Variants in RBM6 observed in about 807,000 individuals in gnomAD.
RBM6 encodes the protein RNA-binding protein 6.
Under a neutral mutation model 140.4 loss-of-function variants are expected in RBM6, and 23 were observed. That is an observed-to-expected ratio of 0.16 (90% CI 0.12 to 0.23). RBM6 has a LOEUF of 0.23. Among genes scored for constraint, RBM6 ranks in the 10% least tolerant of loss-of-function variants. The pLI is 1.00. For missense variants in RBM6, 1,139 were observed against 1,386.7 expected (o/e 0.82, Z 2.84); for synonymous variants, 439 against 475.6 (o/e 0.92, Z 1.00).
chr3:50,075,991 CAG>C (rs1309026173), intron 20 of RBM6, among the ~76,000 whole-genome samples: 1 of 149,314 alleles, frequency 6.7e-6, no homozygotes, highest in Non-Finnish European at 1.5e-5. Context: ...TTTTTTGAGA[CAG>C]AGTCTTGCTC....
chr3:49,980,398 T>C (rs559146573), intron 5 of RBM6, among the ~76,000 whole-genome samples: 81 of 152,264 alleles, frequency 5.3e-4, no homozygotes, highest in African/African-American at 1.9e-3. Flanking sequence ...TCGAAAATAA[T>C]ACTTGCTATA....
At position 50,061,981 on chromosome 3, in the gene RBM6, A is replaced by G. The variant is rs567547469; in HGVS notation, c.2459A>G (p.Gln820Arg). ...PNTQQEVYVP[Q>R]DPGLPEEEEI... ...TCGCAGCAAGAAGTCTATGTGCCCC[A>G]GGATCCTGGATTACCTGAGGAAGAA... Residue 820 changes from glutamine (Q) to arginine (R), a missense_variant, in exon 15 of 21, where the codon CAG becomes CGG. Physicochemically the swap from Gln to Arg is conservative, Grantham distance 43 (BLOSUM62 1). Coordinates refer to ENST00000266022, the MANE Select transcript of RBM6 (RefSeq NM_005777.3). 242 of 1,613,882 alleles carry G rather than the reference A, an allele frequency of 1.5e-4. No homozygotes were observed. Among genetic ancestry groups the G allele is most frequent in the Non-Finnish European group, 1.9e-4 (222 of 1,179,918 alleles).
intron 7 of RBM6, among the ~76,000 whole-genome samples, chr3:50,050,749 G>A (rs552613846): frequency 6.6e-6 from 1 of 151,938 alleles, no homozygotes; most frequent in African/African-American, 2.4e-5. Context: ...CCCTTTATTT[G>A]ATAATAGCCA....
chr3:49,994,236 T>C (rs1661075434), intron 5 of RBM6, among the ~76,000 whole-genome samples: 1 of 152,038 alleles, frequency 6.6e-6, no homozygotes, highest in Admixed American at 6.6e-5. Context: ...GCTAATTTTT[T>C]CTGTTTTTTT....
intron 6 of RBM6, among the ~76,000 whole-genome samples, chr3:50,019,057 A>G (rs911228819): frequency 1.3e-5 from 2 of 149,200 alleles, no homozygotes; most frequent in African/African-American, 5.0e-5. Flanking sequence ...TTTTTTTGAG[A>G]CAAGGTCTTG....
intron 2 of RBM6, among the ~76,000 whole-genome samples, chr3:49,963,484 G>A (rs1014067492): frequency 3.9e-5 from 6 of 152,244 alleles, no homozygotes; most frequent in East Asian, 1.9e-4. Flanking sequence ...TGGCTAGTAA[G>A]GAAAGCTAGC....
intron 13 of RBM6, 40 bp from the exon 14 acceptor site, chr3:50,061,422 G>A (rs2089938338): frequency 6.3e-7 from 1 of 1,586,682 alleles, no homozygotes; most frequent in Non-Finnish European, 8.5e-7. Flanking sequence ...GGGCTTCATT[G>A]GACAGAGACT....
chr3:49,986,852 C>T (rs955396284), intron 5 of RBM6, among the ~76,000 whole-genome samples: 1 of 149,066 alleles, frequency 6.7e-6, no homozygotes, highest in African/African-American at 2.5e-5. Context: ...TTGGCATGCT[C>T]ACGGCTCACT....
intron 6 of RBM6, among the ~76,000 whole-genome samples, chr3:50,005,971 C>T (rs560101629): frequency 1.1e-4 from 17 of 152,058 alleles, no homozygotes; most frequent in African/African-American, 2.7e-4. Context: ...TGAAGAGTCT[C>T]GCTCTCAAGA....
Position 50,000,310 on chromosome 3 carries a change from G to T in RBM6, c.1557+797G>T, listed in dbSNP as rs202102723. Among the ~76,000 whole-genome samples the T allele has an allele frequency of 4.0e-5, 6 of 149,068 alleles. No individual in the cohort carries two copies. The East Asian group carries it at 1.0e-3, about 25-fold the overall frequency. On this transcript the variant is annotated intron_variant, in intron 6 of 20. Coordinates refer to ENST00000266022, the MANE Select transcript of RBM6 (RefSeq NM_005777.3). ...TTCCTCCATCTGTAAAGTAGGAAAA[G>T]AAACTTAGGAATATAGTTTGATGTG...
In RBM6 at chr3:49,969,469, ATATATATATGAATATATATG is replaced by A. The variant is rs975227365; in HGVS notation, c.1323+741_1323+760del. Among the ~76,000 whole-genome samples, 24 of 147,020 alleles carry A rather than the reference ATATATATATGAATATATATG, an allele frequency of 1.6e-4. No individual in the cohort carries two copies. The East Asian group carries it at 3.1e-3, about 19-fold the overall frequency. On this transcript the variant is annotated intron_variant, in intron 3 of 20. Coordinates refer to ENST00000266022, the MANE Select transcript of RBM6 (RefSeq NM_005777.3). ...CATATATATGTGTGTGTGTGTGTATATATATATATGAATATATATGTATATATATGAATATATATTTATAT... is the reference window on the plus strand; with the variant it reads ...CATATATATGTGTGTGTGTGTGTATATATATATATGAATATATATTTATAT...
At chr3:50,039,244 AT>A (rs1437206996) in intron 6 of RBM6, among the ~76,000 whole-genome samples, 3 of 151,966 alleles carry the variant, frequency 2.0e-5, no homozygotes, top group African/African-American at 4.8e-5. Flanking sequence ...ATTATTATTT[AT>A]TTATTTATTT....
chr3:49,982,513 C>A (rs2085356976), intron 5 of RBM6, among the ~76,000 whole-genome samples: 1 of 151,956 alleles, frequency 6.6e-6, no homozygotes, highest in African/African-American at 2.4e-5. Context: ...CTCCTGGGTT[C>A]AAGCGATTCT....
In RBM6 at chr3:49,969,465, G is replaced by A. The variant is rs189909792; in HGVS notation, c.1323+717G>A. Among the ~76,000 whole-genome samples, 671 of 144,588 alleles carry A rather than the reference G, an allele frequency of 4.6e-3. 4 individuals carry two copies. Among genetic ancestry groups the A allele is most frequent in the Non-Finnish European group, 7.7e-3 (512 of 66,240 alleles). 94.9% of individuals were successfully genotyped at this position (144,588 alleles called of 152,430 possible). ...AGATCATATATATGTGTGTGTGTGT[G>A]TATATATATATATGAATATATATGT... is the stretch of plus-strand genomic sequence containing the variant. On this transcript the variant is annotated intron_variant, in intron 3 of 20. Coordinates refer to ENST00000266022, the MANE Select transcript of RBM6 (RefSeq NM_005777.3).
rs145356833 is a variant in RBM6 at position 50,031,907 on chromosome 3, C to T, written c.1558-16338C>T. On this transcript the variant is annotated intron_variant, in intron 6 of 20. Coordinates refer to ENST00000266022, the MANE Select transcript of RBM6 (RefSeq NM_005777.3). ...TGGATACTCTATTCCCCATGATATGCTTATTTCACATTGCATGCCTGTATC... is the reference window on the plus strand; with the variant it reads ...TGGATACTCTATTCCCCATGATATGTTTATTTCACATTGCATGCCTGTATC... Among the ~76,000 whole-genome samples, 606 of 152,212 alleles carry T rather than the reference C, an allele frequency of 4.0e-3. 6 individuals carry two copies. The highest frequency in any genetic ancestry group is 0.019 in the South Asian group (94 of 4,824).
chr3:50,051,968 G>T (rs1224484558), intron 7 of RBM6, among the ~76,000 whole-genome samples: 1 of 152,204 alleles, frequency 6.6e-6, no homozygotes, highest in Non-Finnish European at 1.5e-5. Flanking sequence ...TTCTTTTGGG[G>T]TGATGAAAAT....
intron 6 of RBM6, among the ~76,000 whole-genome samples, chr3:50,015,910 C>G (rs1392587250): frequency 6.6e-6 from 1 of 152,142 alleles, no homozygotes; most frequent in African/African-American, 2.4e-5. Context: ...ACATATCCAT[C>G]ACCTCATGTA....
At chr3:50,044,167 C>T (rs918968173) in intron 6 of RBM6, among the ~76,000 whole-genome samples, 3 of 152,080 alleles carry the variant, frequency 2.0e-5, no homozygotes, top group Admixed American at 6.6e-5. Context: ...CGTGAGCCAC[C>T]GTGCCTGGCC....
At chr3:50,015,046 CAAAAAAAAAAA>C (rs71080566) in intron 6 of RBM6, among the ~76,000 whole-genome samples, 11 of 52,852 alleles carry the variant, frequency 2.1e-4, no homozygotes, top group Non-Finnish European at 2.8e-4. Flanking sequence ...GAGACTGTCT[CAAAAAAAAAAA>C]AAAAAAAAAA....
Sources: allele counts gnomAD v4.1 joint callset (sites outside exome capture counted in the v4.1 genomes callset), GRCh38; gene constraint gnomAD v4.1.1; transcripts MANE v1.5; gene names NCBI Gene and HGNC (gene_info 2026-07-23, HGNC 2026-07-21).